Variants in TMEM260 observed in about 807,000 individuals in gnomAD.
The protein encoded by TMEM260 is protein O-mannosyl-transferase TMEM260.
A neutral mutation model predicts 88.9 loss-of-function variants in TMEM260; 82 were observed. The observed-to-expected ratio is 0.92, with a 90% confidence interval of 0.77 to 1.11. TMEM260 has a LOEUF of 1.11. Among genes scored for constraint, TMEM260 ranks in the 50% least tolerant of loss-of-function variants. The pLI is 0.00. For missense variants in TMEM260, 902 were observed against 853.4 expected (o/e 1.06, Z -0.71); for synonymous variants, 314 against 309.3 (o/e 1.02, Z -0.16).
chr14:56,619,951 G>C (rs1052215903), intron 10 of TMEM260, among the ~76,000 whole-genome samples: 1 of 152,166 alleles, frequency 6.6e-6, no homozygotes, highest in Non-Finnish European at 1.5e-5. Context: ...GGAACACTAG[G>C]CAGCCATAAA....
intron 15 of TMEM260, among the ~76,000 whole-genome samples, chr14:56,645,703 CA>C (rs1369332018): frequency 6.6e-6 from 1 of 151,970 alleles, no homozygotes; most frequent in Non-Finnish European, 1.5e-5. Context: ...AAAACAACAA[CA>C]AAAAACTTAG....
intron 15 of TMEM260, among the ~76,000 whole-genome samples, chr14:56,638,044 T>G (rs1889250599): frequency 6.9e-6 from 1 of 145,598 alleles, no homozygotes; most frequent in Non-Finnish European, 1.5e-5. Context: ...AGGATGTCAT[T>G]GGAGTGTCAT....
intron 2 of TMEM260, among the ~76,000 whole-genome samples, chr14:56,585,526 T>A (rs986329816): frequency 6.6e-6 from 1 of 152,124 alleles, no homozygotes; most frequent in African/African-American, 2.4e-5. Flanking sequence ...CAATGAAATA[T>A]GTCACCCTTT....
chr14:56,653,376 A>G (rs953090197), downstream of TMEM260, among the ~76,000 whole-genome samples: 1 of 152,082 alleles, frequency 6.6e-6, no homozygotes, highest in African/African-American at 2.4e-5. Flanking sequence ...TGTAGAGTCA[A>G]TATAAAATAT....
intron 3 of TMEM260, among the ~76,000 whole-genome samples, chr14:56,592,942 C>T (rs1016763253): frequency 5.3e-5 from 8 of 152,066 alleles, no homozygotes; most frequent in East Asian, 1.9e-4. Context: ...AATGTGTGTT[C>T]GGAAAGAATT....
At position 56,632,990 on chromosome 14, in the gene TMEM260, A is replaced by G; in HGVS notation, c.1548-5A>G. The G allele has an allele frequency of 6.2e-7, 1 of 1,612,586 alleles. No individual in the cohort carries two copies. The highest frequency in any genetic ancestry group is 1.3e-5 in the African/African-American group (1 of 75,002). ...GTACATCATGTATTTTTCTGTTTCC[A>G]ACAGAAAAGAAACATTTGTTTGCAT... On this transcript the variant is annotated splice_region_variant and splice_polypyrimidine_tract_variant and intron_variant, in intron 12 of 15. Coordinates refer to ENST00000261556, the MANE Select transcript of TMEM260 (RefSeq NM_017799.4).
intron 7 of TMEM260, 118 bp from the exon 8 acceptor site, chr14:56,615,826 C>T: frequency 1.5e-6 from 1 of 649,486 alleles, no homozygotes; most frequent in Non-Finnish European, 2.6e-6. Context: ...ATTTTAAAAT[C>T]TGACCCCAGC....
chr14:56,579,563 C>T (rs1884952356), upstream of TMEM260: 2 of 217,602 alleles, frequency 9.2e-6, no homozygotes, highest in African/African-American at 4.6e-5. Flanking sequence ...CAGACCCAAC[C>T]AAGTCAGTAT....
At chr14:56,655,868 T>C in the TMEM260 span, among the ~76,000 whole-genome samples, 1 of 152,250 alleles carries the variant, frequency 6.6e-6, no homozygotes, top group Non-Finnish European at 1.5e-5. Context: ...CCATGTGCTA[T>C]CTCCTGTGGG....
downstream of TMEM260, among the ~76,000 whole-genome samples, chr14:56,651,258 T>C (rs1167437430): frequency 2.6e-5 from 4 of 152,004 alleles, no homozygotes; most frequent in African/African-American, 4.8e-5. Context: ...GCCCCAGGAA[T>C]AGTACAGTGT....
intron 6 of TMEM260, among the ~76,000 whole-genome samples, chr14:56,610,226 A>G (rs1887168354): frequency 6.6e-6 from 1 of 151,878 alleles, no homozygotes; most frequent in Non-Finnish European, 1.5e-5. Context: ...TTTAAAAAAA[A>G]GAATTTTTTT....
Position 56,609,147 on chromosome 14 carries a change from C to A in TMEM260, c.678C>A (p.Phe226Leu). The A allele has an allele frequency of 1.9e-6, 3 of 1,614,174 alleles. No individual in the cohort carries two copies. Among genetic ancestry groups the A allele is most frequent in the Non-Finnish European group, 2.5e-6 (3 of 1,180,026 alleles). ...LGSLLKLSLY[F>L]SAGLLPYVHL... The stretch of plus-strand genomic sequence containing the variant: ...CTTTGTTGAAGTTGAGCCTGTACTT[C>A]TCTGCTGGTTTGCTGCCCTATGTCC... The change falls in exon 6 of 16, where the codon TTC becomes TTA. Residue 226 changes from phenylalanine to leucine, a missense_variant. Phe to Leu is a conservative substitution (Grantham distance 22). Transcript: ENST00000261556.
At position 56,609,016 on chromosome 14, in the gene TMEM260, A is replaced by G. The variant is rs572174712; in HGVS notation, c.637-90A>G. 6 of 1,312,886 alleles carry G rather than the reference A, an allele frequency of 4.6e-6. No homozygotes were observed. In the African/African-American group the frequency reaches 5.8e-5, roughly 13 times the overall value. 81.3% of individuals were successfully genotyped at this position (1,312,886 alleles called of 1,614,324 possible). ...TGGGAGATCAGCTCTGAGTAAACAT[A>G]TTTGATGTTTTCCTTGATATGTTCT... On this transcript the variant is annotated intron_variant, in intron 5 of 15. Coordinates refer to ENST00000261556, the MANE Select transcript of TMEM260 (RefSeq NM_017799.4).
intron 8 of TMEM260, 87 bp downstream of exon 8, chr14:56,616,114 A>G: frequency 1.0e-6 from 1 of 961,158 alleles, no homozygotes; most frequent in Non-Finnish European, 1.6e-6. Flanking sequence ...GGACATTGCC[A>G]GTATTATTTT....
chr14:56,641,758 A>G (rs1362624487), intron 15 of TMEM260, among the ~76,000 whole-genome samples: 1 of 152,240 alleles, frequency 6.6e-6, no homozygotes, highest in Non-Finnish European at 1.5e-5. Flanking sequence ...AGTGTGCTGT[A>G]TTCAGGAAAC....
chr14:56,656,769 G>A, the TMEM260 span, among the ~76,000 whole-genome samples: 1 of 151,964 alleles, frequency 6.6e-6, no homozygotes, highest in Non-Finnish European at 1.5e-5. Flanking sequence ...ATATAAAAAC[G>A]TTATTTAAAT....
In TMEM260 at chr14:56,647,385, T is replaced by TCC; in HGVS notation, c.2013_2014dup (p.Arg672ProfsTer18). ...CTGTTATCGGAAACCATCAGACATT[T>TCC]CCGTCTGTACTCTCAGAAAGCACCG... On this transcript the variant is annotated frameshift_variant, in exon 16 of 16. Coordinates refer to ENST00000261556, the MANE Select transcript of TMEM260 (RefSeq NM_017799.4). LOFTEE classifies it high-confidence loss of function. The TCC allele has an allele frequency of 6.2e-7, 1 of 1,614,204 alleles. No individual in the cohort carries two copies. Among genetic ancestry groups the TCC allele is most frequent in the South Asian group, 1.1e-5 (1 of 91,080 alleles).
At chr14:56,605,212 G>A (rs1886820495) in intron 4 of TMEM260, among the ~76,000 whole-genome samples, 1 of 152,252 alleles carries the variant, frequency 6.6e-6, no homozygotes, top group Middle Eastern at 3.4e-3. Context: ...TATTTCATTT[G>A]TTTAATAGGA....
intron 1 of TMEM260, among the ~76,000 whole-genome samples, chr14:56,584,135 G>A (rs1885330632): frequency 6.6e-6 from 1 of 152,204 alleles, no homozygotes; most frequent in Non-Finnish European, 1.5e-5. Context: ...CCAGGCCAGA[G>A]AGAGTAAAGG....
Sources: allele counts gnomAD v4.1 joint callset (sites outside exome capture counted in the v4.1 genomes callset), GRCh38; gene constraint gnomAD v4.1.1; transcripts MANE v1.5; gene names NCBI Gene and HGNC (gene_info 2026-07-23, HGNC 2026-07-21).